SLCO5A1: variants seen among roughly 807,000 people sequenced by gnomAD.
The protein encoded by SLCO5A1 is solute carrier organic anion transporter family member 5A1.
Under a neutral mutation model 65.1 loss-of-function variants are expected in SLCO5A1, and 39 were observed. The observed-to-expected ratio is 0.60, with a 90% CI of 0.46 to 0.78. The LOEUF is 0.78. SLCO5A1 is among the 30% of genes least tolerant of loss of function. The pLI is 0.00. For missense variants in SLCO5A1, 1,029 were observed against 1,069.4 expected (o/e 0.96, Z 0.53); for synonymous variants, 438 against 415.7 (o/e 1.05, Z -0.65).
chr8:69,802,361 C>A (rs973949389), intron 2 of SLCO5A1, among the ~76,000 whole-genome samples: 11 of 151,772 alleles, frequency 7.2e-5, no homozygotes, highest in African/African-American at 2.4e-4. Context: ...ACCGAATTAG[C>A]CAGGCGTGGT....
chr8:69,701,551 T>G (rs1814735616), intron 6 of SLCO5A1, among the ~76,000 whole-genome samples: 1 of 152,234 alleles, frequency 6.6e-6, no homozygotes, highest in Admixed American at 6.5e-5. Flanking sequence ...TCCTTTATCC[T>G]AACCCAGACA....
intron 2 of SLCO5A1, among the ~76,000 whole-genome samples, chr8:69,830,410 C>T (rs1821108473): frequency 6.6e-6 from 1 of 152,128 alleles, no homozygotes; most frequent in South Asian, 2.1e-4. Flanking sequence ...CCAGGCTGGT[C>T]TCAAGTCCCT....
At chr8:69,683,965 G>T (rs746014178) in intron 6 of SLCO5A1, among the ~76,000 whole-genome samples, 4 of 152,126 alleles carry the variant, frequency 2.6e-5, no homozygotes, top group Non-Finnish European at 4.4e-5. Context: ...TTCTCCTGTG[G>T]CCTCTTTCAA....
rs559976892 is a variant in SLCO5A1, at chr8:69,831,859, A to C, written c.815T>G (p.Ile272Ser). The C allele has an allele frequency of 6.2e-6, 10 of 1,613,830 alleles. 1 individual carries two copies. In the South Asian group the frequency reaches 1.1e-4, roughly 18 times the overall value. ...VYVALFICAQILIGMGSTPIY... is the reference protein window; with the variant it reads ...VYVALFICAQSLIGMGSTPIY... ...AGGTGTGGAGCCCATTCCAATGAGAATCTGCGCGCAAATGAATAAAGCCAC... is the reference window on the plus strand; with the variant it reads ...AGGTGTGGAGCCCATTCCAATGAGACTCTGCGCGCAAATGAATAAAGCCAC... Residue 272 changes from isoleucine (I) to serine (S), a missense_variant, in exon 2 of 10, where the codon ATT becomes AGT. Ile to Ser is a moderately radical substitution (Grantham distance 142, BLOSUM62 -2). Transcript: ENST00000260126.
At chr8:69,764,143 G>C (rs150552751) in intron 2 of SLCO5A1, among the ~76,000 whole-genome samples, 2 of 152,168 alleles carry the variant, frequency 1.3e-5, no homozygotes, top group Non-Finnish European at 2.9e-5. Context: ...GATTACAGAC[G>C]TGAGTCACCA....
intron 2 of SLCO5A1, among the ~76,000 whole-genome samples, chr8:69,769,767 T>A (rs182996373): frequency 9.2e-4 from 140 of 152,274 alleles, no homozygotes; most frequent in Admixed American, 2.8e-3. Flanking sequence ...CTGGCCTTTC[T>A]TTCCTTGCAG....
intron 5 of SLCO5A1, among the ~76,000 whole-genome samples, chr8:69,733,178 T>C (rs1816411915): frequency 6.6e-6 from 1 of 151,978 alleles, no homozygotes; most frequent in Non-Finnish European, 1.5e-5. Flanking sequence ...ACAGAAATTT[T>C]ATTCTCAGAC....
chr8:69,785,225 G>A (rs756051339), intron 2 of SLCO5A1, among the ~76,000 whole-genome samples: 1 of 152,160 alleles, frequency 6.6e-6, no homozygotes, highest in Non-Finnish European at 1.5e-5. Flanking sequence ...TGGTTTTGGA[G>A]GCAAAAAGGG....
intron 5 of SLCO5A1, among the ~76,000 whole-genome samples, chr8:69,728,657 TAATA>T (rs1189582386): frequency 1.3e-5 from 2 of 152,168 alleles, no homozygotes; most frequent in African/African-American, 4.8e-5. Context: ...GGTTTATGGT[TAATA>T]AATAATACTG....
chr8:69,750,323 TG>T (rs1011712027), intron 4 of SLCO5A1, among the ~76,000 whole-genome samples: 2 of 152,136 alleles, frequency 1.3e-5, no homozygotes, highest in Non-Finnish European at 2.9e-5. Flanking sequence ...ACCTCTCCAC[TG>T]GGCTCTGTCT....
chr8:69,739,214 CA>C (rs1418455280), intron 4 of SLCO5A1, among the ~76,000 whole-genome samples: 2 of 152,150 alleles, frequency 1.3e-5, no homozygotes, highest in African/African-American at 4.8e-5. Flanking sequence ...TTTATATGGT[CA>C]AATATATACT....
At chr8:69,800,744 G>T (rs1220006037) in intron 2 of SLCO5A1, among the ~76,000 whole-genome samples, 1 of 152,182 alleles carries the variant, frequency 6.6e-6, no homozygotes. Context: ...AGTCATCTGG[G>T]ATATCTGCTC....
At chr8:69,746,626 G>T (rs1817040111) in intron 4 of SLCO5A1, among the ~76,000 whole-genome samples, 1 of 152,202 alleles carries the variant, frequency 6.6e-6, no homozygotes, top group Admixed American at 6.5e-5. Context: ...CATAGGAAAG[G>T]CCTCCTCAAG....
intron 5 of SLCO5A1, among the ~76,000 whole-genome samples, chr8:69,707,819 A>T (rs1815042981): frequency 6.6e-6 from 1 of 152,166 alleles, no homozygotes; most frequent in Non-Finnish European, 1.5e-5. Context: ...ACACCAGATG[A>T]AGGAAGAAAT....
intron 5 of SLCO5A1, among the ~76,000 whole-genome samples, chr8:69,711,218 C>T (rs1397998201): frequency 6.6e-6 from 1 of 152,132 alleles, no homozygotes; most frequent in Admixed American, 6.5e-5. Context: ...CGCTAGCCCT[C>T]TCTGAGCTCA....
chr8:69,829,000 T>G (rs907127845), intron 2 of SLCO5A1, among the ~76,000 whole-genome samples: 1 of 152,088 alleles, frequency 6.6e-6, no homozygotes, highest in African/African-American at 2.4e-5. Context: ...GAGGCAAAGA[T>G]CAGCAAGAAT....
intron 4 of SLCO5A1, among the ~76,000 whole-genome samples, chr8:69,750,603 C>A (rs1817249872): frequency 6.6e-6 from 1 of 152,136 alleles, no homozygotes; most frequent in Non-Finnish European, 1.5e-5. Context: ...TCCCAGTTTT[C>A]TGGCCTTTGC....
chr8:69,832,877 C>T lies in SLCO5A1; in HGVS notation c.-204G>A, dbSNP rs1291019512. Reference sequence around the variant, plus strand: ...GATCACAGACACGGCTTCAAGGCTCCGCAGCCGCGTGCCACAGGGGGCAGG... The same window carrying T: ...GATCACAGACACGGCTTCAAGGCTCTGCAGCCGCGTGCCACAGGGGGCAGG... On this transcript the variant is annotated 5_prime_UTR_variant, in exon 2 of 10. Transcript: ENST00000260126. The surrounding 1 kb of genome is among the most constrained non-coding windows in gnomAD (Gnocchi z 4.5). 3 of 618,404 alleles carry T rather than the reference C, an allele frequency of 4.9e-6. No individual in the cohort carries two copies. Among genetic ancestry groups the T allele is most frequent in the African/African-American group, 3.7e-5 (2 of 53,354 alleles). The allele number at this position is 618,404 out of a possible 1,614,324, so 38.3% of individuals were successfully genotyped here.
At position 69,763,614 on chromosome 8, in the gene SLCO5A1, CAAAAAAAAAAAAAAAAAAAAAA is replaced by C. The variant is rs770191440; in HGVS notation, c.908-1761_908-1740del. Reference sequence around the variant, plus strand: ...CAGGCTAGGAAACAGAGCAAGACTCCAAAAAAAAAAAAAAAAAAAAAAAAAAAAAAAAAAAAAGGGTGTATAG... The same window carrying C: ...CAGGCTAGGAAACAGAGCAAGACTCCAAAAAAAAAAAAAAAGGGTGTATAG... On this transcript the variant is annotated intron_variant, in intron 2 of 9. Coordinates refer to ENST00000260126, the MANE Select transcript of SLCO5A1 (RefSeq NM_030958.3). 1.6e-3 allele frequency among the ~76,000 whole-genome samples: 21 copies of C among 13,160 alleles called. No individual in the cohort carries two copies. The South Asian group carries it at 0.047, about 29-fold the overall frequency. 8.6% of individuals were successfully genotyped at this position (13,160 alleles called of 152,430 possible). A position where few individuals can be genotyped will look rare whatever the true frequency, so the allele number is the denominator to read the frequency against.
Sources: allele counts gnomAD v4.1 joint callset (sites outside exome capture counted in the v4.1 genomes callset), GRCh38; gene constraint gnomAD v4.1.1; non-coding constraint Gnocchi (gnomAD v3.1); transcripts MANE v1.5; gene names NCBI Gene and HGNC (gene_info 2026-07-23, HGNC 2026-07-21).